Variants in EFNA5 observed in about 807,000 individuals in gnomAD.
EFNA5 encodes ephrin A5.
A neutral mutation model predicts 22.9 loss-of-function variants in EFNA5; 5 were observed. The observed-to-expected ratio is 0.22, with a 90% CI of 0.11 to 0.46. The LOEUF is 0.46. EFNA5 is among the 20% of genes least tolerant of loss of function. The pLI, the probability that EFNA5 is intolerant of heterozygous loss-of-function variation, is 0.99. For missense variants in EFNA5, 237 were observed against 293.3 expected, an observed-to-expected ratio of 0.81 and a Z score of 1.40; for synonymous variants, 113 against 112.2, an observed-to-expected ratio of 1.01 and a Z score of -0.04.
At chr5:107,535,436 C>A (rs1747910959) in intron 1 of EFNA5, among the ~76,000 whole-genome samples, 1 of 151,694 alleles carries the variant, frequency 6.6e-6, no homozygotes, top group African/African-American at 2.4e-5. Flanking sequence ...CTATGATGAT[C>A]TAAAGAACAA....
intron 1 of EFNA5, among the ~76,000 whole-genome samples, chr5:107,575,016 C>G (rs1319071172): frequency 1.3e-5 from 2 of 152,322 alleles, no homozygotes; most frequent in East Asian, 3.9e-4. Context: ...AGGGCACTTG[C>G]TCTGCTTTGC....
chr5:107,395,034 C>CTT (rs58619326), intron 2 of EFNA5, among the ~76,000 whole-genome samples: 1,231 of 86,126 alleles, frequency 0.014, 138 homozygotes, highest in African/African-American at 0.05. Flanking sequence ...ATTTCTAGTT[C>CTT]TTTTTTTTTT....
At chr5:107,450,859 T>C (rs979384678) in intron 1 of EFNA5, among the ~76,000 whole-genome samples, 4 of 152,244 alleles carry the variant, frequency 2.6e-5, no homozygotes, top group African/African-American at 7.2e-5. Flanking sequence ...CACAGTGCTT[T>C]ATCATTTATC....
intron 1 of EFNA5, among the ~76,000 whole-genome samples, chr5:107,660,566 T>C (rs551652528): frequency 1.3e-5 from 2 of 151,900 alleles, no homozygotes; most frequent in African/African-American, 2.4e-5. Flanking sequence ...TTTGATACTA[T>C]AGGTAAAGAG....
At chr5:107,395,031 G>GTTTTTTTTTTTTTTTT (rs1257797158) in intron 2 of EFNA5, among the ~76,000 whole-genome samples, 1 of 28,834 alleles carries the variant, frequency 3.5e-5, no homozygotes, top group African/African-American at 1.3e-4. Flanking sequence ...AGGATTTCTA[G>GTTTTTTTTTTTTTTTT]TTCTTTTTTT....
chr5:107,546,651 AACACAC>A (rs767896375), intron 1 of EFNA5, among the ~76,000 whole-genome samples: 95 of 121,356 alleles, frequency 7.8e-4, no homozygotes, highest in South Asian at 3.2e-3. Context: ...TGGTGCGTAA[AACACAC>A]ACACACACAC....
rs145870096 is a variant in EFNA5 at position 107,494,141 on chromosome 5, T to G, written c.126-66632A>C. On this transcript the variant is annotated intron_variant, in intron 1 of 4. Coordinates refer to ENST00000333274, the MANE Select transcript of EFNA5 (RefSeq NM_001962.3). Reference sequence around the variant, plus strand: ...TGCCTCCTCTGCCTGGGCTCCCACTTTGGCGGCACTTGAGGAGCCCTTCAG... The same window carrying G: ...TGCCTCCTCTGCCTGGGCTCCCACTGTGGCGGCACTTGAGGAGCCCTTCAG... Among the ~76,000 whole-genome samples, 1,477 of 152,328 alleles carry G rather than the reference T, an allele frequency of 9.7e-3. 23 individuals are homozygous for G. Among genetic ancestry groups the G allele is most frequent in the African/African-American group, 0.034 (1,408 of 41,596 alleles).
chr5:107,572,189 C>A (rs1748828403), intron 1 of EFNA5, among the ~76,000 whole-genome samples: 1 of 151,902 alleles, frequency 6.6e-6, no homozygotes. Context: ...CTGGCAAGTA[C>A]GCCCCCTGCT....
At chr5:107,639,352 A>G (rs1409749979) in intron 1 of EFNA5, among the ~76,000 whole-genome samples, 1 of 152,250 alleles carries the variant, frequency 6.6e-6, no homozygotes, top group African/African-American at 2.4e-5. Flanking sequence ...GCTTAAGAGC[A>G]CAGACTCTGG....
chr5:107,381,873 C>T (rs1274825881), intron 4 of EFNA5, among the ~76,000 whole-genome samples: 6 of 152,202 alleles, frequency 3.9e-5, no homozygotes, highest in African/African-American at 9.6e-5. Flanking sequence ...GATGCCTAGA[C>T]GAATTTTCAA....
rs143974427 is a variant in EFNA5 at position 107,468,650 on chromosome 5, T to C, written c.126-41141A>G. ...TGTGCAAGAGTTAAAACCTCACCAA[T>C]GTTGGCACTCTACCAGCTTTCACAG... On this transcript the variant is annotated intron_variant, in intron 1 of 4. Transcript: ENST00000333274. Among the ~76,000 whole-genome samples the C allele has an allele frequency of 2.3e-3, 345 of 152,308 alleles. 4 individuals are homozygous for C. Among genetic ancestry groups the C allele is most frequent in the African/African-American group, 8.0e-3 (333 of 41,576 alleles).
chr5:107,558,226 C>G (rs570026975), intron 1 of EFNA5, among the ~76,000 whole-genome samples: 1 of 152,194 alleles, frequency 6.6e-6, no homozygotes, highest in Admixed American at 6.5e-5. Flanking sequence ...AACCCCCACT[C>G]CCGGCAACTG....
chr5:107,525,170 T>C (rs2086308885), intron 1 of EFNA5, among the ~76,000 whole-genome samples: 1 of 152,162 alleles, frequency 6.6e-6, no homozygotes, highest in Non-Finnish European at 1.5e-5. Flanking sequence ...GACAATTATA[T>C]TACAACTTTC....
At chr5:107,518,618 T>C (rs931190721) in intron 1 of EFNA5, among the ~76,000 whole-genome samples, 1 of 151,958 alleles carries the variant, frequency 6.6e-6, no homozygotes, top group African/African-American at 2.4e-5. Flanking sequence ...AGGGCAAGAA[T>C]CTTCCTTTGC....
chr5:107,514,976 C>A (rs1015314142), intron 1 of EFNA5, among the ~76,000 whole-genome samples: 2 of 152,174 alleles, frequency 1.3e-5, no homozygotes, highest in Non-Finnish European at 2.9e-5. Flanking sequence ...TAGGAGCTTG[C>A]ATGGGTGAAT....
rs1413192268 is a variant in EFNA5, at chr5:107,670,678, A to C, written c.-65T>G. On this transcript the variant is annotated 5_prime_UTR_variant, in exon 1 of 5. Coordinates refer to ENST00000333274, the MANE Select transcript of EFNA5 (RefSeq NM_001962.3). ...GGGGAGAGAGCGGGGATCCGGAGGG[A>C]GGGAGGCAGGCAAAGGGACAGAGAG... The C allele has an allele frequency of 1.3e-6, 2 of 1,564,040 alleles. No homozygotes were observed. The highest frequency in any genetic ancestry group is 2.7e-5 in the African/African-American group (2 of 73,124).
At chr5:107,474,378 A>G (rs1213507592) in intron 1 of EFNA5, among the ~76,000 whole-genome samples, 1 of 152,142 alleles carries the variant, frequency 6.6e-6, no homozygotes, top group Non-Finnish European at 1.5e-5. Flanking sequence ...AATATTTTAC[A>G]GATTGTTTTC....
intron 1 of EFNA5, among the ~76,000 whole-genome samples, chr5:107,647,379 T>C (rs1331440364): frequency 2.0e-5 from 3 of 152,158 alleles, no homozygotes; most frequent in Non-Finnish European, 2.9e-5. Context: ...TTCAAAATCA[T>C]AGCCCCATAA....
In EFNA5 at chr5:107,435,447, A is replaced by C. The variant is rs942371137; in HGVS notation, c.126-7938T>G. 9.9e-5 allele frequency among the ~76,000 whole-genome samples: 15 copies of C among 151,558 alleles called. No individual in the cohort carries two copies. The South Asian group carries it at 1.0e-3, about 11-fold the overall frequency. On this transcript the variant is annotated intron_variant, in intron 1 of 4. Transcript: ENST00000333274. ...ACAAATATTTGTTTTGTTAATTTTA[A>C]ATTTCTCTTCTCTCTCATGGACTGA...
Sources: allele counts gnomAD v4.1 joint callset (sites outside exome capture counted in the v4.1 genomes callset), GRCh38; gene constraint gnomAD v4.1.1; transcripts MANE v1.5; gene names NCBI Gene and HGNC (gene_info 2026-07-23, HGNC 2026-07-21).